The following FBXL20 variants were observed in gnomAD, a reference collection of about 807,000 sequenced individuals.
FBXL20 encodes F-box and leucine rich repeat protein 20, also known as F-box/LRR-repeat protein 20.
In FBXL20, 11 loss-of-function variants were observed where a neutral mutation model predicts 64.0. The observed-to-expected ratio is 0.17, with a 90% CI of 0.11 to 0.28. The LOEUF (loss-of-function observed/expected upper bound fraction) is 0.28, where lower values mean the gene tolerates loss of function less well. Among genes scored for constraint, FBXL20 ranks in the 10% least tolerant of loss-of-function variants. The probability of loss-of-function intolerance (pLI) is 1.00; values close to 1 mark genes in which losing one functional copy is unlikely to be tolerated. For missense variants in FBXL20, 303 were observed against 526.2 expected (o/e 0.58, Z 4.15); for synonymous variants, 184 against 189.0 (o/e 0.97, Z 0.22).
chr17:39,296,418 G>A (rs2047085667), intron 6 of FBXL20, among the ~76,000 whole-genome samples: 1 of 151,806 alleles, frequency 6.6e-6, no homozygotes. Context: ...AAATAAGCCG[G>A]GCGTGGTGGC....
chr17:39,285,545 A>G lies in FBXL20; in HGVS notation c.427T>C (p.Ser143Pro). ...ATCTSLSKFCSKLRHLDLASC... is the reference protein window; with the variant it reads ...ATCTSLSKFCPKLRHLDLASC... ...GCCAAGTCAAGGTGCCTGAGTTTGG[A>G]ACAGAACTTGCTAAGGCTAGTACAT... is the stretch of plus-strand genomic sequence containing the variant. The change falls in exon 7 of 15, where the codon TCC becomes CCC. Residue 143 changes from serine to proline, a missense_variant. Transcript: ENST00000264658. 6.2e-7 allele frequency: 1 copy of G among 1,605,652 alleles called. No homozygotes were observed. Among genetic ancestry groups the G allele is most frequent in the Non-Finnish European group, 8.5e-7 (1 of 1,175,792 alleles).
intron 1 of FBXL20, among the ~76,000 whole-genome samples, chr17:39,365,615 C>T (rs1263325375): frequency 1.3e-5 from 2 of 148,862 alleles, no homozygotes; most frequent in African/African-American, 5.1e-5. Flanking sequence ...CCTATGTCCA[C>T]TACCAATTCA....
chr17:39,266,632 C>T (rs1419093967), intron 12 of FBXL20, among the ~76,000 whole-genome samples: 1 of 152,184 alleles, frequency 6.6e-6, no homozygotes, highest in African/African-American at 2.4e-5. Context: ...CAGGAGTGAC[C>T]TACTATGCCC....
rs2047946905 is a variant in FBXL20, at chr17:39,374,357, C to T, written c.42+27004G>A. Among the ~76,000 whole-genome samples the T allele has an allele frequency of 1.3e-5, 2 of 151,742 alleles. 1 individual carries two copies. The highest frequency in any genetic ancestry group is 4.2e-4 in the South Asian group (2 of 4,788). Reference sequence around the variant, plus strand: ...CAGCCTGGCCAACATAGTGAAACCCCGTCTCTACTAAAAATACAAAAAAAA... The same window carrying T: ...CAGCCTGGCCAACATAGTGAAACCCTGTCTCTACTAAAAATACAAAAAAAA... On this transcript the variant is annotated intron_variant, in intron 1 of 14. Transcript: ENST00000264658.
chr17:39,399,823 A>C (rs2048223926), intron 1 of FBXL20, among the ~76,000 whole-genome samples: 1 of 152,210 alleles, frequency 6.6e-6, no homozygotes, highest in Non-Finnish European at 1.5e-5. Context: ...TTTACACCAC[A>C]TACAAGAGAA....
At chr17:39,327,609 C>T (rs1295314627) in intron 2 of FBXL20, among the ~76,000 whole-genome samples, 3 of 151,962 alleles carry the variant, frequency 2.0e-5, no homozygotes, top group Admixed American at 6.6e-5. Flanking sequence ...GATGTACACA[C>T]GCACCCCCCA....
intron 1 of FBXL20, among the ~76,000 whole-genome samples, chr17:39,349,080 C>G (rs995536300): frequency 1.3e-5 from 2 of 151,682 alleles, no homozygotes; most frequent in African/African-American, 4.8e-5. Context: ...GATGAAACCC[C>G]GTCTCTACTA....
chr17:39,342,419 A>T (rs2047591608), intron 2 of FBXL20, among the ~76,000 whole-genome samples: 1 of 151,824 alleles, frequency 6.6e-6, no homozygotes, highest in Admixed American at 6.6e-5. Flanking sequence ...AATTGAAAAA[A>T]AAAAAAAAAA....
chr17:39,383,457 AAATGAAAC>A (rs2048046128), intron 1 of FBXL20, among the ~76,000 whole-genome samples: 1 of 152,120 alleles, frequency 6.6e-6, no homozygotes, highest in Non-Finnish European at 1.5e-5. Flanking sequence ...CTGTCTCCAA[AAATGAAAC>A]AGAAAAACCC....
intron 1 of FBXL20, among the ~76,000 whole-genome samples, chr17:39,370,499 AAAG>A (rs368292627): frequency 0.035 from 5,286 of 150,314 alleles, 119 homozygotes; most frequent in Non-Finnish European, 0.056. Flanking sequence ...TCAAAAAAAA[AAAG>A]AAGGCCGGGC....
chr17:39,311,212 G>C (rs2047233068), intron 2 of FBXL20, among the ~76,000 whole-genome samples: 1 of 152,042 alleles, frequency 6.6e-6, no homozygotes, highest in African/African-American at 2.4e-5. Context: ...TATTAGTTTT[G>C]AGTGCATCAA....
In FBXL20 at chr17:39,259,270, G is replaced by A. The variant is rs1179849933; in HGVS notation, c.*2190C>T. The A allele has an allele frequency of 1.3e-5, 2 of 151,934 alleles. No homozygotes were observed. 9.4% of individuals were successfully genotyped at this position (151,934 alleles called of 1,614,324 possible). ...CTTGAGCCCAGGAGTTTGAGTCCAG[G>A]CTGGGCAAGATAGCGAGACCCCATC... On this transcript the variant is annotated 3_prime_UTR_variant, in exon 15 of 15. Transcript: ENST00000264658.
chr17:39,310,365 A>C (rs2047223013), intron 2 of FBXL20, among the ~76,000 whole-genome samples: 1 of 151,996 alleles, frequency 6.6e-6, no homozygotes, highest in Admixed American at 6.6e-5. Flanking sequence ...GCATGAAAAG[A>C]CAGCCATGCA....
Position 39,258,858 on chromosome 17 carries a change from G to A in FBXL20, c.*2602C>T, listed in dbSNP as rs2046719248. ...TGAATATTATTAACCACATCTGGAA[G>A]TATGTGTGTATGCACGTATGTATTT... On this transcript the variant is annotated 3_prime_UTR_variant, in exon 15 of 15. Coordinates refer to ENST00000264658, the MANE Select transcript of FBXL20 (RefSeq NM_032875.3). 6.6e-6 allele frequency: 1 copy of A among 152,176 alleles called. No homozygotes were observed. The highest frequency in any genetic ancestry group is 2.1e-4 in the South Asian group (1 of 4,838). 9.4% of individuals were successfully genotyped at this position (152,176 alleles called of 1,614,324 possible). A position where few individuals can be genotyped will look rare whatever the true frequency, so the allele number is the denominator to read the frequency against.
At chr17:39,353,874 T>C (rs945312514) in intron 1 of FBXL20, among the ~76,000 whole-genome samples, 3 of 152,094 alleles carry the variant, frequency 2.0e-5, no homozygotes, top group Non-Finnish European at 2.9e-5. Flanking sequence ...TCCGCCCGCC[T>C]TGGCCTCCCA....
intron 2 of FBXL20, among the ~76,000 whole-genome samples, chr17:39,341,575 T>C (rs1425923740): frequency 6.6e-6 from 1 of 152,186 alleles, no homozygotes; most frequent in Non-Finnish European, 1.5e-5. Flanking sequence ...TGTATATATA[T>C]GGTACCTACA....
At chr17:39,398,831 C>T (rs976498414) in intron 1 of FBXL20, among the ~76,000 whole-genome samples, 3 of 152,074 alleles carry the variant, frequency 2.0e-5, no homozygotes, top group Admixed American at 6.5e-5. Flanking sequence ...CCCACTACCA[C>T]GCCCGGCTAA....
At chr17:39,311,631 C>T (rs1023985514) in intron 2 of FBXL20, among the ~76,000 whole-genome samples, 9 of 152,092 alleles carry the variant, frequency 5.9e-5, no homozygotes, top group Admixed American at 2.0e-4. Flanking sequence ...TAACTCAATT[C>T]CCAAAACAAA....
chr17:39,281,559 C>T lies in FBXL20; in HGVS notation c.622-96G>A, dbSNP rs560473304. On this transcript the variant is annotated intron_variant, in intron 8 of 14. Coordinates refer to ENST00000264658, the MANE Select transcript of FBXL20 (RefSeq NM_032875.3). ...ACACATTCATTCATACATTCTAATACAGCCAACCAAGTTTCGAAGGAACAA... is the reference window on the plus strand; with the variant it reads ...ACACATTCATTCATACATTCTAATATAGCCAACCAAGTTTCGAAGGAACAA... 41 of 961,220 alleles carry T rather than the reference C, an allele frequency of 4.3e-5. No homozygotes were observed. The East Asian group carries it at 5.0e-4, about 12-fold the overall frequency. 59.5% of individuals were successfully genotyped at this position (961,220 alleles called of 1,614,324 possible).
Sources: gnomAD v4.1 joint callset for allele counts (sites outside exome capture counted in the v4.1 genomes callset) on GRCh38, gnomAD v4.1.1 for gene constraint, MANE v1.5 for transcripts, NCBI Gene and HGNC (gene_info 2026-07-23, HGNC 2026-07-21) for gene names.